The following RANBP9 variants were observed in gnomAD, a reference collection of about 807,000 sequenced individuals.
The protein encoded by RANBP9 is RAN binding protein 9.
In RANBP9, 15 loss-of-function variants were observed where a neutral mutation model predicts 84.3. The observed-to-expected ratio is 0.18, with a 90% CI of 0.12 to 0.27. RANBP9 has a LOEUF of 0.27. RANBP9 is among the 10% of genes least tolerant of loss of function. The pLI, the probability that RANBP9 is intolerant of heterozygous loss-of-function variation, is 1.00. For missense variants in RANBP9, 809 were observed against 912.8 expected (o/e 0.89, Z 1.46); for synonymous variants, 392 against 349.6 (o/e 1.12, Z -1.35).
intron 5 of RANBP9, among the ~76,000 whole-genome samples, chr6:13,646,758 A>C (rs542927642): frequency 1.3e-5 from 2 of 152,350 alleles, no homozygotes; most frequent in East Asian, 3.9e-4. Context: ...TCTAGAAAAA[A>C]AAATCTGCCA....
At chr6:13,686,118 C>CCCT (rs1766177445) in intron 2 of RANBP9, among the ~76,000 whole-genome samples, 1 of 37,006 alleles carries the variant, frequency 2.7e-5, no homozygotes, top group Non-Finnish European at 5.0e-5. Flanking sequence ...CCCCCCCCGC[C>CCCT]CCCCGAAATA....
Position 13,652,813 on chromosome 6 carries a change from CAA to C in RANBP9, c.905-134_905-133del, listed in dbSNP as rs1309464463. On this transcript the variant is annotated intron_variant, in intron 4 of 13. Transcript: ENST00000011619. ...ACATTAAAGCCTAAATAAAAAATAA[CAA>C]GACTAATTTTTAATCAATAATACTA... 6.8e-6 allele frequency: 5 copies of C among 734,978 alleles called. No homozygotes were observed. The African/African-American group carries it at 8.9e-5, about 13-fold the overall frequency. 45.5% of individuals were successfully genotyped at this position (734,978 alleles called of 1,614,324 possible).
At chr6:13,683,875 C>A (rs1766104551) in intron 2 of RANBP9, among the ~76,000 whole-genome samples, 1 of 149,534 alleles carries the variant, frequency 6.7e-6, no homozygotes, top group Admixed American at 6.6e-5. Context: ...ATAACCACTT[C>A]AAGAATAATT....
chr6:13,683,034 C>T (rs1039533384), intron 2 of RANBP9, among the ~76,000 whole-genome samples: 1 of 152,142 alleles, frequency 6.6e-6, no homozygotes, highest in African/African-American at 2.4e-5. Context: ...AGGAAAACTC[C>T]TTAGATTCTG....
chr6:13,705,846 G>A (rs1483344157), intron 1 of RANBP9, among the ~76,000 whole-genome samples: 1 of 122,098 alleles, frequency 8.2e-6, no homozygotes, highest in Non-Finnish European at 1.7e-5. Flanking sequence ...CTGGGCCTGG[G>A]CGACAGAGCA....
intron 5 of RANBP9, among the ~76,000 whole-genome samples, chr6:13,648,277 G>A (rs975187063): frequency 6.7e-6 from 1 of 150,316 alleles, no homozygotes; most frequent in Non-Finnish European, 1.5e-5. Context: ...AGCCTCCCGA[G>A]TATGGGACTA....
At chr6:13,694,537 G>T (rs1766397715) in intron 2 of RANBP9, among the ~76,000 whole-genome samples, 1 of 152,152 alleles carries the variant, frequency 6.6e-6, no homozygotes, top group African/African-American at 2.4e-5. Flanking sequence ...CAGAATTTTG[G>T]GGGATGATAG....
At position 13,692,985 on chromosome 6, in the gene RANBP9, G is replaced by C. The variant is rs531705234; in HGVS notation, c.683+3800C>G. On this transcript the variant is annotated intron_variant, in intron 2 of 13. Coordinates refer to ENST00000011619, the MANE Select transcript of RANBP9 (RefSeq NM_005493.3). ...TACTGGAGTTATAGAAATTAAAATAGTCCCTTACTCTTAAATCTGTAGGGT... is the reference window on the plus strand; with the variant it reads ...TACTGGAGTTATAGAAATTAAAATACTCCCTTACTCTTAAATCTGTAGGGT... Among the ~76,000 whole-genome samples the C allele has an allele frequency of 2.6e-5, 4 of 152,342 alleles. No individual in the cohort carries two copies. In the South Asian group the frequency reaches 8.3e-4, roughly 32 times the overall value.
At chr6:13,684,034 G>A (rs1450517269) in intron 2 of RANBP9, among the ~76,000 whole-genome samples, 1 of 152,044 alleles carries the variant, frequency 6.6e-6, no homozygotes, top group Non-Finnish European at 1.5e-5. Context: ...CTCACATTCT[G>A]TTCATTCCAT....
intron 5 of RANBP9, among the ~76,000 whole-genome samples, chr6:13,646,145 C>CA (rs578147984): frequency 4.5e-4 from 69 of 152,290 alleles, no homozygotes; most frequent in African/African-American, 1.6e-3. Context: ...CATGGTGGCT[C>CA]ACGCCTGTAA....
At chr6:13,639,231 T>G (rs922560597) in intron 9 of RANBP9, among the ~76,000 whole-genome samples, 4 of 152,100 alleles carry the variant, frequency 2.6e-5, no homozygotes, top group South Asian at 2.1e-4. Context: ...CAGGCTGGAG[T>G]GCAGTGACGT....
chr6:13,628,173 A>G (rs1764675458), intron 12 of RANBP9, among the ~76,000 whole-genome samples: 1 of 152,248 alleles, frequency 6.6e-6, no homozygotes, highest in African/African-American at 2.4e-5. Context: ...GGCAGTGAAT[A>G]GTAAGATGCA....
chr6:13,692,212 C>T (rs571814363), intron 2 of RANBP9, among the ~76,000 whole-genome samples: 98 of 151,724 alleles, frequency 6.5e-4, no homozygotes, highest in Non-Finnish European at 1.2e-3. Context: ...GACACGTTTA[C>T]CAGAGAGATA....
At position 13,652,555 on chromosome 6, in the gene RANBP9, A is replaced by G. The variant is rs1215605588; in HGVS notation, c.927+104T>C. On this transcript the variant is annotated intron_variant, in intron 5 of 13. Transcript: ENST00000011619. ...TTTGCATGTCATATAAACCTAATAA[A>G]TATCAATAAGACTGTATTTTAAACT... is the stretch of plus-strand genomic sequence containing the variant. 4 of 1,101,902 alleles carry G rather than the reference A, an allele frequency of 3.6e-6. No homozygotes were observed. In the African/African-American group the frequency reaches 6.4e-5, roughly 18 times the overall value. The allele number at this position is 1,101,902 out of a possible 1,614,324, so 68.3% of individuals were successfully genotyped here. A position where few individuals can be genotyped will look rare whatever the true frequency, so the allele number is the denominator to read the frequency against.
At chr6:13,628,306 G>C (rs905185381) in intron 12 of RANBP9, among the ~76,000 whole-genome samples, 1 of 152,144 alleles carries the variant, frequency 6.6e-6, no homozygotes, top group African/African-American at 2.4e-5. Flanking sequence ...GTGATGACCA[G>C]GACCTAGTCA....
intron 1 of RANBP9, among the ~76,000 whole-genome samples, chr6:13,707,714 G>A (rs1030388743): frequency 1.3e-5 from 2 of 152,160 alleles, no homozygotes; most frequent in African/African-American, 4.8e-5. Context: ...ACTAGTGTGT[G>A]TATATATAAA....
At chr6:13,651,214 A>G (rs1765287890) in intron 5 of RANBP9, among the ~76,000 whole-genome samples, 1 of 152,066 alleles carries the variant, frequency 6.6e-6, no homozygotes, top group African/African-American at 2.4e-5. Flanking sequence ...CCTTGGTGTC[A>G]CAGATGATGC....
At chr6:13,659,852 T>C (rs1190444327) in intron 2 of RANBP9, among the ~76,000 whole-genome samples, 1 of 152,194 alleles carries the variant, frequency 6.6e-6, no homozygotes, top group Non-Finnish European at 1.5e-5. Context: ...AACAAAGAGA[T>C]GCCTATAATT....
At chr6:13,657,889 T>C (rs1316012285) in intron 3 of RANBP9, among the ~76,000 whole-genome samples, 1 of 152,232 alleles carries the variant, frequency 6.6e-6, no homozygotes, top group Non-Finnish European at 1.5e-5. Context: ...CATATGTGAT[T>C]ACAATCAGAT....
Sources: allele counts gnomAD v4.1 joint callset (sites outside exome capture counted in the v4.1 genomes callset), GRCh38; gene constraint gnomAD v4.1.1; transcripts MANE v1.5; gene names NCBI Gene and HGNC (gene_info 2026-07-23, HGNC 2026-07-21).